Variants in RFTN2 observed in about 807,000 individuals in gnomAD.
The protein encoded by RFTN2 is raftlin-2.
RFTN2 carries 34 observed loss-of-function variants against 52.7 expected under a neutral mutation model. The ratio of observed to expected loss-of-function variants is 0.64; its 90% CI spans 0.49 to 0.86. RFTN2 has a LOEUF of 0.86. Among genes scored for constraint, RFTN2 ranks in the 40% least tolerant of loss-of-function variants. The pLI is 0.00. For synonymous variants in RFTN2, 203 were observed against 217.7 expected, an observed-to-expected ratio of 0.93 and a Z score of 0.59; for missense variants, 536 against 600.1, an observed-to-expected ratio of 0.89 and a Z score of 1.12.
intron 5 of RFTN2, among the ~76,000 whole-genome samples, chr2:197,626,344 T>C (rs965013624): frequency 1.3e-5 from 2 of 151,926 alleles, no homozygotes; most frequent in African/African-American, 4.8e-5. Context: ...AGCTGGAGGA[T>C]CACTTGAAGC....
At chr2:197,656,724 T>A (rs1231476751) in intron 1 of RFTN2, among the ~76,000 whole-genome samples, 1 of 152,220 alleles carries the variant, frequency 6.6e-6, no homozygotes, top group Non-Finnish European at 1.5e-5. Flanking sequence ...CTAACTCACT[T>A]TCTAGAGCAG....
intron 3 of RFTN2, among the ~76,000 whole-genome samples, chr2:197,637,989 G>A (rs1011465029): frequency 1.9e-4 from 29 of 149,820 alleles, no homozygotes; most frequent in East Asian, 9.8e-4. Flanking sequence ...CCTCCATTTC[G>A]TTATGTATCC....
chr2:197,582,800 G>C (rs2087530351), intron 8 of RFTN2, among the ~76,000 whole-genome samples: 1 of 152,146 alleles, frequency 6.6e-6, no homozygotes. Flanking sequence ...GGAAGCTGGA[G>C]TCATTCACTG....
intron 7 of RFTN2, among the ~76,000 whole-genome samples, chr2:197,610,628 G>C (rs2088041223): frequency 6.6e-6 from 1 of 152,048 alleles, no homozygotes; most frequent in Non-Finnish European, 1.5e-5. Flanking sequence ...TGATTGCCCT[G>C]GCCAGAACTT....
At position 197,646,344 on chromosome 2, in the gene RFTN2, G is replaced by A. The variant is rs890802613; in HGVS notation, c.323+139C>T. The A allele has an allele frequency of 8.2e-6, 5 of 609,146 alleles. No homozygotes were observed. In the African/African-American group the frequency reaches 9.2e-5, roughly 11 times the overall value. The allele number at this position is 609,146 out of a possible 1,614,324, so 37.7% of individuals were successfully genotyped here. A position where few individuals can be genotyped will look rare whatever the true frequency, so the allele number is the denominator to read the frequency against. On this transcript the variant is annotated intron_variant, in intron 2 of 8. Coordinates refer to ENST00000295049, the MANE Select transcript of RFTN2 (RefSeq NM_144629.3). ...GTAACATTTCCTTGCTTCAATCCAGGTTCCACTGCTGGAAAATGTGCTTTA... is the reference window on the plus strand; with the variant it reads ...GTAACATTTCCTTGCTTCAATCCAGATTCCACTGCTGGAAAATGTGCTTTA...
Position 197,568,903 on chromosome 2 carries a change from AAC to A in RFTN2, c.*3103_*3104del, listed in dbSNP as rs1307193258. On this transcript the variant is annotated 3_prime_UTR_variant, in exon 9 of 9. Coordinates refer to ENST00000295049, the MANE Select transcript of RFTN2 (RefSeq NM_144629.3). ...AAATATATAAACACCTGCTCCTGAT[AAC>A]ACAAATGATTTGGAGATAGTTGTGA... 6.6e-6 allele frequency: 1 copy of A among 152,198 alleles called. No individual in the cohort carries two copies. Among genetic ancestry groups the A allele is most frequent in the East Asian group, 1.9e-4 (1 of 5,194 alleles). The allele number at this position is 152,198 out of a possible 1,614,324, so 9.4% of individuals were successfully genotyped here.
At position 197,633,945 on chromosome 2, in the gene RFTN2, T is replaced by C; in HGVS notation, c.491A>G (p.His164Arg). The C allele has an allele frequency of 6.2e-7, 1 of 1,613,452 alleles. No homozygotes were observed. The highest frequency in any genetic ancestry group is 1.1e-5 in the South Asian group (1 of 91,032). ...GMKFVGFISQHYSPSKFCNGT... is the reference protein window; with the variant it reads ...GMKFVGFISQRYSPSKFCNGT... ...ATTGCAGAATTTAGATGGAGAATAA[T>C]GCTGTGATATGAATCCAACAAATTT... Residue 164 changes from histidine (H) to arginine (R), a missense_variant, in exon 4 of 9, where the codon CAT becomes CGT. His to Arg is a conservative substitution (Grantham distance 29). Coordinates refer to ENST00000295049, the MANE Select transcript of RFTN2 (RefSeq NM_144629.3).
At chr2:197,630,295 G>C (rs1390325072) in intron 5 of RFTN2, among the ~76,000 whole-genome samples, 2 of 152,082 alleles carry the variant, frequency 1.3e-5, no homozygotes, top group African/African-American at 4.8e-5. Context: ...ATAGATTTAA[G>C]AGTTCCTAAT....
At chr2:197,592,350 C>T (rs2087730490) in intron 8 of RFTN2, among the ~76,000 whole-genome samples, 1 of 152,136 alleles carries the variant, frequency 6.6e-6, no homozygotes. Context: ...CATGTGCCAC[C>T]ACGCCCAGCT....
At chr2:197,660,938 GTTAA>G (rs1352581245) in intron 1 of RFTN2, among the ~76,000 whole-genome samples, 1 of 152,086 alleles carries the variant, frequency 6.6e-6, no homozygotes, top group African/African-American at 2.4e-5. Context: ...GTATATTGTT[GTTAA>G]TTAGAGTCAC....
At chr2:197,606,517 G>T (rs977284269) in intron 7 of RFTN2, among the ~76,000 whole-genome samples, 3 of 152,060 alleles carry the variant, frequency 2.0e-5, no homozygotes, top group Non-Finnish European at 4.4e-5. Flanking sequence ...CACAGCAAAA[G>T]AAACTACCAT....
In RFTN2 at chr2:197,645,516, A is replaced by G. The variant is rs151041454; in HGVS notation, c.323+967T>C. On this transcript the variant is annotated intron_variant, in intron 2 of 8. Coordinates refer to ENST00000295049, the MANE Select transcript of RFTN2 (RefSeq NM_144629.3). ...CTAAGATATTTGTCTGGTTATTTTT[A>G]TTCTTAATTGGAAAGAACAACAGTA... Among the ~76,000 whole-genome samples, 916 of 152,362 alleles carry G rather than the reference A, an allele frequency of 6.0e-3. 6 individuals are homozygous for G. The highest frequency in any genetic ancestry group is 0.021 in the African/African-American group (855 of 41,586).
intron 7 of RFTN2, among the ~76,000 whole-genome samples, chr2:197,600,487 T>G (rs2106192655): frequency 6.6e-6 from 1 of 152,266 alleles, no homozygotes; most frequent in Middle Eastern, 3.4e-3. Flanking sequence ...GTGGAACTTG[T>G]TTTGGTTTCG....
intron 5 of RFTN2, among the ~76,000 whole-genome samples, chr2:197,624,615 A>G (rs1160386181): frequency 4.0e-5 from 6 of 150,438 alleles, no homozygotes; most frequent in Non-Finnish European, 8.9e-5. Context: ...AAAAAAAAAA[A>G]AAAAAAGAAA....
chr2:197,650,534 C>G (rs1019164149), intron 1 of RFTN2, among the ~76,000 whole-genome samples: 8 of 152,164 alleles, frequency 5.3e-5, no homozygotes, highest in Admixed American at 1.3e-4. Context: ...TTCCTCGTAT[C>G]TTTACAACAC....
chr2:197,585,186 ACAT>A (rs1012555373), intron 8 of RFTN2, among the ~76,000 whole-genome samples: 4 of 152,288 alleles, frequency 2.6e-5, no homozygotes, highest in African/African-American at 9.6e-5. Context: ...TGAGCCTAAT[ACAT>A]CCCTTCATTC....
At position 197,571,862 on chromosome 2, in the gene RFTN2, G is replaced by T; in HGVS notation, c.*146C>A. 1.4e-6 allele frequency: 1 copy of T among 725,374 alleles called. No homozygotes were observed. Among genetic ancestry groups the T allele is most frequent in the Non-Finnish European group, 2.3e-6 (1 of 443,350 alleles). The allele number at this position is 725,374 out of a possible 1,614,324, so 44.9% of individuals were successfully genotyped here. A position where few individuals can be genotyped will look rare whatever the true frequency, so the allele number is the denominator to read the frequency against. Reference sequence around the variant, plus strand: ...TATTCTTCCTTGTCTGGGAGGTTGTGCCAAAGTTTACATAGATTAGAGGAA... The same window carrying T: ...TATTCTTCCTTGTCTGGGAGGTTGTTCCAAAGTTTACATAGATTAGAGGAA... On this transcript the variant is annotated 3_prime_UTR_variant, in exon 9 of 9. Transcript: ENST00000295049.
chr2:197,599,818 G>GA (rs1217982939), intron 7 of RFTN2, among the ~76,000 whole-genome samples: 3 of 152,154 alleles, frequency 2.0e-5, no homozygotes, highest in African/African-American at 7.2e-5. Context: ...AATTGCCTCT[G>GA]AAAGGGCAGA....
In RFTN2 at chr2:197,643,708, C is replaced by T. The variant is rs571481719; in HGVS notation, c.438+450G>A. Among the ~76,000 whole-genome samples, 112 of 152,096 alleles carry T rather than the reference C, an allele frequency of 7.4e-4. 1 individual carries two copies. Among genetic ancestry groups the T allele is most frequent in the African/African-American group, 2.6e-3 (109 of 41,516 alleles). ...TTCTTCTTTTTTAAGCTTAGTTTTC[C>T]TAGTACAGTTAAGTTATATTTATAT... On this transcript the variant is annotated intron_variant, in intron 3 of 8. Transcript: ENST00000295049.
Sources: gnomAD v4.1 joint callset for allele counts (sites outside exome capture counted in the v4.1 genomes callset) on GRCh38, gnomAD v4.1.1 for gene constraint, MANE v1.5 for transcripts, NCBI Gene and HGNC (gene_info 2026-07-23, HGNC 2026-07-21) for gene names.